CAPN2: variants seen among roughly 807,000 people sequenced by gnomAD.
CAPN2 encodes the protein calpain-2 catalytic subunit.
A neutral mutation model predicts 102.3 loss-of-function variants in CAPN2; 92 were observed. That is an observed-to-expected ratio of 0.90 (90% CI 0.76 to 1.07). The LOEUF is 1.07. Ranked by LOEUF, CAPN2 falls within the 50% of genes least tolerant of loss-of-function variation. The pLI, the probability that CAPN2 is intolerant of heterozygous loss-of-function variation, is 0.00. For missense variants in CAPN2, 800 were observed against 909.4 expected (o/e 0.88, Z 1.55); for synonymous variants, 340 against 355.4 (o/e 0.96, Z 0.49).
intron 5 of CAPN2, among the ~76,000 whole-genome samples, chr1:223,748,098 G>A (rs925236146): frequency 6.6e-6 from 1 of 152,126 alleles, no homozygotes; most frequent in Admixed American, 6.5e-5. Flanking sequence ...CTGCAGTGCT[G>A]TGCAGCCTTC....
chr1:223,702,085 G>GGGAGGGAA (rs1558374855), intron 1 of CAPN2, among the ~76,000 whole-genome samples: 1 of 45,696 alleles, frequency 2.2e-5, no homozygotes, highest in East Asian at 5.0e-4. Flanking sequence ...GAGGGAGGGA[G>GGGAGGGAA]GGAGGGAGGA....
chr1:223,774,884 T>C lies in CAPN2; in HGVS notation c.*27T>C, dbSNP rs1661574913. The stretch of plus-strand genomic sequence containing the variant: ...GTTATAACTAATCTGCCTGAAGACT[T>C]CTCATGATGGAAAATCAGCCAAGGA... On this transcript the variant is annotated 3_prime_UTR_variant, in exon 21 of 21. Transcript: ENST00000295006. 6.2e-7 allele frequency: 1 copy of C among 1,604,118 alleles called. No individual in the cohort carries two copies. The highest frequency in any genetic ancestry group is 1.1e-5 in the South Asian group (1 of 90,388).
At chr1:223,716,167 A>C (rs1209660046) in intron 1 of CAPN2, among the ~76,000 whole-genome samples, 1 of 152,200 alleles carries the variant, frequency 6.6e-6, no homozygotes, top group Non-Finnish European at 1.5e-5. Context: ...TGCCGTGCAC[A>C]AGTTTCAGTT....
rs1660376706 is a variant in CAPN2, at chr1:223,733,363, C to T, written c.308-10737C>T. ...ATATTAGTAATCCAGCTGCATCCCA[C>T]CCCCCAGGATGGGCTGGGCCTGTCA... On this transcript the variant is annotated intron_variant, in intron 2 of 20. Coordinates refer to ENST00000295006, the MANE Select transcript of CAPN2 (RefSeq NM_001748.5). Among the ~76,000 whole-genome samples the T allele has an allele frequency of 7.9e-5, 12 of 152,216 alleles. No individual in the cohort carries two copies. In the South Asian group the frequency reaches 2.5e-3, roughly 32 times the overall value.
At chr1:223,757,093 C>A (rs566866615) in intron 10 of CAPN2, among the ~76,000 whole-genome samples, 1 of 152,140 alleles carries the variant, frequency 6.6e-6, no homozygotes, top group African/African-American at 2.4e-5. Flanking sequence ...CGTGGGAGGC[C>A]GATATGGGCT....
intron 1 of CAPN2, among the ~76,000 whole-genome samples, chr1:223,706,925 C>T (rs904717748): frequency 6.6e-5 from 10 of 151,850 alleles, no homozygotes; most frequent in African/African-American, 2.4e-4. Flanking sequence ...ATTAAAAATA[C>T]AAAAATTAGC....
At chr1:223,738,681 C>T (rs78806136) in intron 2 of CAPN2, among the ~76,000 whole-genome samples, 4,221 of 152,326 alleles carry the variant, frequency 0.028, 197 homozygotes, top group African/African-American at 0.097. Context: ...GCCTCCCAGT[C>T]AGAGAAGCCC....
chr1:223,765,595 G>A (rs978475974), intron 15 of CAPN2, among the ~76,000 whole-genome samples: 7 of 152,314 alleles, frequency 4.6e-5, no homozygotes, highest in South Asian at 4.1e-4. Flanking sequence ...CATTCGCTCC[G>A]CGCGTGCCTC....
chr1:223,722,977 T>C (rs1005146652), intron 2 of CAPN2, among the ~76,000 whole-genome samples: 1 of 152,180 alleles, frequency 6.6e-6, no homozygotes, highest in African/African-American at 2.4e-5. Flanking sequence ...CTTGACAGTT[T>C]TGGGGAATAT....
In CAPN2 at chr1:223,752,841, C is replaced by A. The variant is rs1347205468; in HGVS notation, c.1020C>A (p.Ile340=). The part of the protein sequence containing the change: ...DFLRHYSRLE[I]CNLTPDTLTS... Reference sequence around the variant, plus strand: ...TGAGGCACTATTCCCGCCTGGAGATCTGTAACCTGACCCCAGACACTCTCA... The same window carrying A: ...TGAGGCACTATTCCCGCCTGGAGATATGTAACCTGACCCCAGACACTCTCA... Residue 340 remains isoleucine (I), a synonymous_variant, in exon 9 of 21, where the codon ATC becomes ATA. Coordinates refer to ENST00000295006, the MANE Select transcript of CAPN2 (RefSeq NM_001748.5). 1 of 1,614,066 alleles carries A rather than the reference C, an allele frequency of 6.2e-7. No individual in the cohort carries two copies. Among genetic ancestry groups the A allele is most frequent in the Non-Finnish European group, 8.5e-7 (1 of 1,180,024 alleles).
chr1:223,740,642 A>G (rs567346287), intron 2 of CAPN2, among the ~76,000 whole-genome samples: 1 of 152,378 alleles, frequency 6.6e-6, no homozygotes, highest in South Asian at 2.1e-4. Context: ...CATGCCAGGG[A>G]AAATACTTAG....
Position 223,761,577 on chromosome 1 carries a change from C to T in CAPN2, c.1530-4C>T. The T allele has an allele frequency of 6.2e-7, 1 of 1,612,006 alleles. No individual in the cohort carries two copies. Among genetic ancestry groups the T allele is most frequent in the Non-Finnish European group, 8.5e-7 (1 of 1,178,534 alleles). On this transcript the variant is annotated splice_region_variant and splice_polypyrimidine_tract_variant and intron_variant, in intron 12 of 20. Coordinates refer to ENST00000295006, the MANE Select transcript of CAPN2 (RefSeq NM_001748.5). Reference sequence around the variant, plus strand: ...AGTAACACATAATTTCCTTCTATTTCCAGAGCTGTCGATGATGAAATCGAG... The same window carrying T: ...AGTAACACATAATTTCCTTCTATTTTCAGAGCTGTCGATGATGAAATCGAG...
At chr1:223,721,769 C>T (rs1660056237) in intron 2 of CAPN2, among the ~76,000 whole-genome samples, 1 of 152,198 alleles carries the variant, frequency 6.6e-6, no homozygotes, top group Non-Finnish European at 1.5e-5. Context: ...TTCTACCACT[C>T]ATTAGCCACT....
chr1:223,737,735 A>G (rs2102790212), intron 2 of CAPN2, among the ~76,000 whole-genome samples: 1 of 149,088 alleles, frequency 6.7e-6, no homozygotes, highest in East Asian at 2.0e-4. Context: ...GAATACAATA[A>G]CACCATGTAC....
Position 223,775,023 on chromosome 1 carries a change from G to GT in CAPN2, c.*169dup. ...ATACTGTCAATTTGAGATAGCAGAA[G>GT]TTTCACACATCAAAGTAAAAGATTT... On this transcript the variant is annotated 3_prime_UTR_variant, in exon 21 of 21. Transcript: ENST00000295006. The GT allele has an allele frequency of 1.6e-6, 1 of 642,610 alleles. No homozygotes were observed. Among genetic ancestry groups the GT allele is most frequent in the Non-Finnish European group, 2.7e-6 (1 of 365,720 alleles). The allele number at this position is 642,610 out of a possible 1,614,324, so 39.8% of individuals were successfully genotyped here. A position where few individuals can be genotyped will look rare whatever the true frequency, so the allele number is the denominator to read the frequency against.
At chr1:223,714,229 A>T (rs1419934376) in intron 1 of CAPN2, among the ~76,000 whole-genome samples, 1 of 152,212 alleles carries the variant, frequency 6.6e-6, no homozygotes, top group Non-Finnish European at 1.5e-5. Flanking sequence ...CTTCCTACTG[A>T]ACTGCAGGAA....
Position 223,727,670 on chromosome 1 carries a change from C to T in CAPN2, c.307+9839C>T, listed in dbSNP as rs978286883. ...CAGCATTGCTTCAATCTAATCCAGC[C>T]GCAAGTATGAGTAAATACTGTAGGA... On this transcript the variant is annotated intron_variant, in intron 2 of 20. Transcript: ENST00000295006. This position sits in a 1 kb window ranked among gnomAD's most constrained non-coding sequence, Gnocchi z 4.1. 5.9e-5 allele frequency among the ~76,000 whole-genome samples: 9 copies of T among 152,126 alleles called. 1 individual carries two copies. Among genetic ancestry groups the T allele is most frequent in the South Asian group, 2.1e-4 (1 of 4,832 alleles).
At position 223,727,703 on chromosome 1, in the gene CAPN2, A is replaced by C. The variant is rs1299520374; in HGVS notation, c.307+9872A>C. ...TGAGTAAATACTGTAGGAAAGGAGA[A>C]AACATTGCATGTACGGGGTCAGGGC... On this transcript the variant is annotated intron_variant, in intron 2 of 20. Transcript: ENST00000295006. This position sits in a 1 kb window ranked among gnomAD's most constrained non-coding sequence, Gnocchi z 4.1. Among the ~76,000 whole-genome samples, 1 of 152,234 alleles carries C rather than the reference A, an allele frequency of 6.6e-6. No homozygotes were observed. The highest frequency in any genetic ancestry group is 1.5e-5 in the Non-Finnish European group (1 of 68,036).
At chr1:223,729,191 A>T (rs535315220) in intron 2 of CAPN2, among the ~76,000 whole-genome samples, 1 of 152,356 alleles carries the variant, frequency 6.6e-6, no homozygotes, top group East Asian at 1.9e-4. Flanking sequence ...GCATGAAAGC[A>T]ATACACATTT....
Sources: gnomAD v4.1 joint callset for allele counts (sites outside exome capture counted in the v4.1 genomes callset) on GRCh38, gnomAD v4.1.1 for gene constraint, Gnocchi (gnomAD v3.1) non-coding constraint, MANE v1.5 for transcripts, NCBI Gene and HGNC (gene_info 2026-07-23, HGNC 2026-07-21) for gene names.